The following CA6 variants were observed in gnomAD, a reference collection of about 807,000 sequenced individuals.
CA6 encodes the protein carbonate dehydratase VI.
Under a neutral mutation model 35.9 loss-of-function variants are expected in CA6, and 28 were observed. That is an observed-to-expected ratio of 0.78 (90% CI 0.58 to 1.07). The LOEUF is 1.07. Among genes scored for constraint, CA6 ranks in the 50% least tolerant of loss-of-function variants. CA6 has a pLI of 0.00. For missense variants in CA6, 377 were observed against 382.0 expected (o/e 0.99, Z 0.11); for synonymous variants, 148 against 152.6 (o/e 0.97, Z 0.22).
intron 7 of CA6, among the ~76,000 whole-genome samples, chr1:8,973,769 T>TTTC (rs1640186622): frequency 2.8e-5 from 1 of 35,670 alleles, no homozygotes; most frequent in Non-Finnish European, 4.6e-5. Flanking sequence ...TCTTTCTTTC[T>TTTC]TTCTTTCTTT....
At position 8,949,363 on chromosome 1, in the gene CA6, C is replaced by A. The variant is rs766404082; in HGVS notation, c.180C>A (p.Asn60Lys). 1.6e-5 allele frequency: 26 copies of A among 1,613,320 alleles called. No homozygotes were observed. Among genetic ancestry groups the A allele is most frequent in the Non-Finnish European group, 2.0e-5 (24 of 1,179,648 alleles). ...TACAGAGGACGAAGGTGCGGTACAA[C>A]CCCTCCTTGAAGGGGCTCAATATGA... is the stretch of plus-strand genomic sequence containing the variant. Reference protein sequence around the residue: ...INLQRTKVRYNPSLKGLNMTG... With the variant: ...INLQRTKVRYKPSLKGLNMTG... Residue 60 changes from asparagine to lysine, a missense_variant, in exon 2 of 8, where the codon AAC becomes AAA. Coordinates refer to ENST00000377443, the MANE Select transcript of CA6 (RefSeq NM_001215.4).
At chr1:8,958,270 T>G (rs911947175) in intron 3 of CA6, among the ~76,000 whole-genome samples, 9 of 152,120 alleles carry the variant, frequency 5.9e-5, no homozygotes, top group Non-Finnish European at 1.2e-4. Context: ...TGGGTTCAAA[T>G]GATTCTCCTG....
chr1:8,955,371 G>A (rs1639646822), intron 2 of CA6, among the ~76,000 whole-genome samples: 1 of 152,128 alleles, frequency 6.6e-6, no homozygotes, highest in African/African-American at 2.4e-5. Flanking sequence ...GTAAGACCCT[G>A]CCTCAATTAA....
intron 3 of CA6, 102 bp from the exon 4 acceptor site, chr1:8,958,808 C>A (rs1262090644): frequency 1.2e-5 from 8 of 683,072 alleles, no homozygotes; most frequent in Non-Finnish European, 2.1e-5. Context: ...CAGTCTGAGG[C>A]CTCAGACGGA....
chr1:8,968,578 T>G (rs2124187162), intron 6 of CA6, among the ~76,000 whole-genome samples: 1 of 152,180 alleles, frequency 6.6e-6, no homozygotes, highest in Admixed American at 6.6e-5. Flanking sequence ...ATCAGACAAT[T>G]AATATGACAT....
Position 8,957,274 on chromosome 1 carries a change from CAT to C in CA6, c.398_399del (p.His133ArgfsTer12), listed in dbSNP as rs1374919306. ...TGAGCACACCGTGGACGGGATCAGA[CAT>C]GTGATCGAGGTACCTGAGGACCCCC... ...GSEHTVDGIR[H>X]VIEIHIVHYN... On this transcript the variant is annotated frameshift_variant, in exon 3 of 8. Transcript: ENST00000377443. LOFTEE classifies it high-confidence loss of function. The C allele has an allele frequency of 1.9e-6, 3 of 1,612,072 alleles. No individual in the cohort carries two copies. In the Admixed American group the frequency reaches 5.0e-5, roughly 27 times the overall value.
At chr1:8,969,317 A>G (rs933013975) in intron 6 of CA6, among the ~76,000 whole-genome samples, 1 of 152,204 alleles carries the variant, frequency 6.6e-6, no homozygotes, top group Non-Finnish European at 1.5e-5. Flanking sequence ...TCCATCTCAA[A>G]AAAACAAAAA....
chr1:8,951,826 A>ATT (rs34846629), intron 2 of CA6: 14,102 of 272,440 alleles, frequency 0.052, 374 homozygotes, highest in African/African-American at 0.11. Flanking sequence ...ATTAAAAACA[A>ATT]TTTTTTTTTT....
chr1:8,971,102 C>G (rs1408967051), intron 7 of CA6, 121 bp downstream of exon 7: 1 of 715,280 alleles, frequency 1.4e-6, no homozygotes, highest in African/African-American at 1.7e-5. Context: ...TAGCAAGAGG[C>G]TCAGGTGGGC....
In CA6 at chr1:8,973,772, CTTTCTTTCTTTCTTT is replaced by C. The variant is rs1312678400; in HGVS notation, c.845-848_845-834del. Among the ~76,000 whole-genome samples the C allele has an allele frequency of 9.5e-4, 19 of 20,000 alleles. 2 individuals carry two copies. The highest frequency in any genetic ancestry group is 6.2e-3 in the African/African-American group (19 of 3,066). The allele number at this position is 20,000 out of a possible 152,430, so 13.1% of individuals were successfully genotyped here. A position where few individuals can be genotyped will look rare whatever the true frequency, so the allele number is the denominator to read the frequency against. On this transcript the variant is annotated intron_variant, in intron 7 of 7. Coordinates refer to ENST00000377443, the MANE Select transcript of CA6 (RefSeq NM_001215.4). ...TCTTTCTTTCTTTCTTTCTTTCTTT[CTTTCTTTCTTTCTTT>C]TCCCTCCCTCCCTCTCTCTCTCTCT...
intron 2 of CA6, among the ~76,000 whole-genome samples, chr1:8,956,292 C>T (rs1467034050): frequency 6.6e-6 from 1 of 152,148 alleles, no homozygotes. Flanking sequence ...ATTATATCCT[C>T]ATAGATATTT....
At position 8,967,811 on chromosome 1, in the gene CA6, A is replaced by C; in HGVS notation, c.724A>C (p.Thr242Pro). ...GGCAGATTTTGTCAAGCTCTCCAGGACACAGGTAATGTATGGTATCACTTT... is the reference window on the plus strand; with the variant it reads ...GGCAGATTTTGTCAAGCTCTCCAGGCCACAGGTAATGTATGGTATCACTTT... ...VLADFVKLSRTQVWKLENSLL... is the reference protein window; with the variant it reads ...VLADFVKLSRPQVWKLENSLL... The change falls in exon 6 of 8, where the codon ACA (threonine) becomes CCA (proline). Residue 242 changes from threonine to proline, a missense_variant. Physicochemically the swap from Thr to Pro is conservative, Grantham distance 38. Transcript: ENST00000377443. 1 of 1,613,990 alleles carries C rather than the reference A, an allele frequency of 6.2e-7. No individual in the cohort carries two copies. Among genetic ancestry groups the C allele is most frequent in the Non-Finnish European group, 8.5e-7 (1 of 1,179,932 alleles).
At chr1:8,947,429 C>T (rs989861214) in intron 1 of CA6, among the ~76,000 whole-genome samples, 7 of 152,048 alleles carry the variant, frequency 4.6e-5, no homozygotes, top group Non-Finnish European at 7.3e-5. Flanking sequence ...TCAAGGGCAA[C>T]GGAATTAGGG....
Position 8,970,978 on chromosome 1 carries a change from C to G in CA6, c.841C>G (p.Gln281Glu). Residue 281 changes from glutamine (Q) to glutamate (E), a missense_variant, in exon 7 of 8, where the codon CAG becomes GAG. Coordinates refer to ENST00000377443, the MANE Select transcript of CA6 (RefSeq NM_001215.4). ...AGTGGTGGAATCCAACTTCCCGAAT[C>G]AGGGTGAGTGAGACCGACTCTTGAT... ...HRVVESNFPN[Q>E]EYTLGSEFQF... 6.2e-7 allele frequency: 1 copy of G among 1,602,278 alleles called. No individual in the cohort carries two copies. Among genetic ancestry groups the G allele is most frequent in the Non-Finnish European group, 8.6e-7 (1 of 1,169,280 alleles).
At chr1:8,955,439 C>G (rs1639648348) in intron 2 of CA6, among the ~76,000 whole-genome samples, 1 of 152,130 alleles carries the variant, frequency 6.6e-6, no homozygotes, top group African/African-American at 2.4e-5. Flanking sequence ...TCCAATTGGG[C>G]CTGTGTGGGC....
chr1:8,951,324 G>T, intron 2 of CA6: 2 of 618,502 alleles, frequency 3.2e-6, no homozygotes, highest in East Asian at 2.7e-5. Flanking sequence ...TCAGGTTTAT[G>T]TGGCCAGGAG....
chr1:8,970,551 C>T (rs1372648182), intron 6 of CA6, among the ~76,000 whole-genome samples: 3 of 151,964 alleles, frequency 2.0e-5, no homozygotes, highest in Admixed American at 2.0e-4. Context: ...CTCTGTCTCC[C>T]AGGCTGGAGT....
Position 8,959,022 on chromosome 1 carries a change from G to C in CA6, c.501+20G>C. 1 of 1,463,672 alleles carries C rather than the reference G, an allele frequency of 6.8e-7. No homozygotes were observed. The allele number at this position is 1,463,672 out of a possible 1,614,324, so 90.7% of individuals were successfully genotyped here. A position where few individuals can be genotyped will look rare whatever the true frequency, so the allele number is the denominator to read the frequency against. On this transcript the variant is annotated intron_variant, in intron 4 of 7. Transcript: ENST00000377443. ...GTTGAGGTAAGCAGAAACTACCCAT[G>C]TGTGTCTGTATTTGAAGTTATAGGT... is the stretch of plus-strand genomic sequence containing the variant.
rs11805509 is a variant in CA6 at position 8,958,822 on chromosome 1, C to A, written c.409-88C>A. ...ACAGTCTGAGGCCTCAGACGGAGCA[C>A]CTTTCTTTCTCTTCCTCCTTCCCTG... is the stretch of plus-strand genomic sequence containing the variant. On this transcript the variant is annotated intron_variant, in intron 3 of 7. Coordinates refer to ENST00000377443, the MANE Select transcript of CA6 (RefSeq NM_001215.4). The A allele has an allele frequency of 5.0e-4, 374 of 753,176 alleles. 1 individual carries two copies. In the African/African-American group the frequency reaches 5.3e-3, roughly 11 times the overall value. 46.7% of individuals were successfully genotyped at this position (753,176 alleles called of 1,614,324 possible). A position where few individuals can be genotyped will look rare whatever the true frequency, so the allele number is the denominator to read the frequency against.
Sources: allele counts gnomAD v4.1 joint callset (sites outside exome capture counted in the v4.1 genomes callset), GRCh38; gene constraint gnomAD v4.1.1; transcripts MANE v1.5; gene names NCBI Gene and HGNC (gene_info 2026-07-23, HGNC 2026-07-21).